LARP4B: variants seen among roughly 807,000 people sequenced by gnomAD.
The protein encoded by LARP4B is la-related protein 4B.
Under a neutral mutation model 89.8 loss-of-function variants are expected in LARP4B, and 12 were observed. That is an observed-to-expected ratio of 0.13 (90% CI 0.09 to 0.22). LARP4B has a LOEUF of 0.22. Ranked by LOEUF, LARP4B falls within the 10% of genes least tolerant of loss-of-function variation. The probability of loss-of-function intolerance (pLI) is 1.00; values close to 1 mark genes in which losing one functional copy is unlikely to be tolerated. For synonymous variants in LARP4B, 367 were observed against 363.3 expected, an observed-to-expected ratio of 1.01 and a Z score of -0.12; for missense variants, 757 against 947.7, an observed-to-expected ratio of 0.80 and a Z score of 2.64.
intron 7 of LARP4B, among the ~76,000 whole-genome samples, chr10:837,046 G>C (rs1833256663): frequency 2.0e-5 from 3 of 152,160 alleles, no homozygotes; most frequent in African/African-American, 4.8e-5. Flanking sequence ...GGTGCCCACT[G>C]TCACAAAGAC....
In LARP4B at chr10:825,259, C is replaced by G; in HGVS notation, c.1290G>C (p.Gly430=). ...HAIPSAERGP[G]LLESPSIFNF... ...TAAATATTGAAGGACTTTCTAATAA[C>G]CCAGGTCCCCTCTCTGCACTAGGAA... Residue 430 remains glycine (G), a synonymous_variant, in exon 13 of 18, where the codon GGG becomes GGC. Coordinates refer to ENST00000316157, the MANE Select transcript of LARP4B (RefSeq NM_015155.3). The G allele has an allele frequency of 6.2e-7, 1 of 1,614,176 alleles. No individual in the cohort carries two copies. The highest frequency in any genetic ancestry group is 8.5e-7 in the Non-Finnish European group (1 of 1,180,006).
At chr10:909,678 G>A (rs1041629165) in intron 1 of LARP4B, among the ~76,000 whole-genome samples, 12 of 151,992 alleles carry the variant, frequency 7.9e-5, no homozygotes, top group East Asian at 1.9e-4. Context: ...CCAGCTACTC[G>A]GGAGGCTGAG....
chr10:885,991 A>T (rs2131935235), intron 1 of LARP4B, among the ~76,000 whole-genome samples: 1 of 152,284 alleles, frequency 6.6e-6, no homozygotes, highest in East Asian at 1.9e-4. Context: ...CACACTCTAA[A>T]ACTTGGAAAC....
intron 7 of LARP4B, 60 bp downstream of exon 7, chr10:842,872 T>C (rs2131730653): frequency 2.0e-6 from 3 of 1,505,862 alleles, no homozygotes; most frequent in Non-Finnish European, 2.8e-6. Context: ...TAAAGGTTCA[T>C]GCTGATAAGA....
intron 1 of LARP4B, among the ~76,000 whole-genome samples, chr10:891,521 C>T (rs979801950): frequency 6.6e-6 from 1 of 152,160 alleles, no homozygotes; most frequent in East Asian, 1.9e-4. Context: ...GAAAATAATA[C>T]AATGTGTGAA....
chr10:982,085 C>T, the LARP4B span, among the ~76,000 whole-genome samples: 1 of 148,324 alleles, frequency 6.7e-6, no homozygotes, highest in African/African-American at 2.5e-5. Context: ...CTTCTTCAAC[C>T]TATAGCTTTT....
chr10:866,390 T>C (rs1044010622), intron 3 of LARP4B, among the ~76,000 whole-genome samples: 1 of 152,186 alleles, frequency 6.6e-6, no homozygotes, highest in Non-Finnish European at 1.5e-5. Context: ...AACAAGTGCC[T>C]CTGACATGTT....
At chr10:928,939 T>C (rs1383728751) in intron 1 of LARP4B, among the ~76,000 whole-genome samples, 1 of 152,210 alleles carries the variant, frequency 6.6e-6, no homozygotes, top group Non-Finnish European at 1.5e-5. Context: ...ACCTTAAATA[T>C]ATACTTGTCA....
upstream of LARP4B, among the ~76,000 whole-genome samples, chr10:936,097 A>G (rs1420839507): frequency 2.0e-5 from 3 of 152,104 alleles, no homozygotes; most frequent in Admixed American, 6.6e-5. Context: ...GTGTAGCCGC[A>G]TTGCTCAAAA....
chr10:957,221 G>A, the LARP4B span, among the ~76,000 whole-genome samples: 5 of 152,256 alleles, frequency 3.3e-5, no homozygotes, highest in East Asian at 9.6e-4. Flanking sequence ...GGAGTGCAGT[G>A]GCACAATCTC....
At chr10:888,028 A>G (rs531221823) in intron 1 of LARP4B, among the ~76,000 whole-genome samples, 275 of 151,640 alleles carry the variant, frequency 1.8e-3, no homozygotes, top group African/African-American at 6.1e-3. Context: ...TGTCTTAAAA[A>G]CAAATAACAG....
the LARP4B span, among the ~76,000 whole-genome samples, chr10:963,350 T>G: frequency 6.6e-6 from 1 of 152,222 alleles, no homozygotes; most frequent in Admixed American, 6.5e-5. Flanking sequence ...CACCACGTGC[T>G]TCTTATCCAC....
At chr10:932,159 C>T (rs1219430141), upstream of LARP4B, among the ~76,000 whole-genome samples, 5 of 151,992 alleles carry the variant, frequency 3.3e-5, no homozygotes, top group South Asian at 8.3e-4. Flanking sequence ...GTCCCCAGAC[C>T]CTGGACCAAG....
At position 809,719 on chromosome 10, in the gene LARP4B, G is replaced by C. The variant is rs542888122; in HGVS notation, c.*3207C>G. Reference sequence around the variant, plus strand: ...CTCGAGGAGCGACCACATGACCCCCGCGCTGTGAGCTGCTGGCGGCCAGCG... The same window carrying C: ...CTCGAGGAGCGACCACATGACCCCCCCGCTGTGAGCTGCTGGCGGCCAGCG... On this transcript the variant is annotated 3_prime_UTR_variant, in exon 18 of 18. Coordinates refer to ENST00000316157, the MANE Select transcript of LARP4B (RefSeq NM_015155.3). 1 of 152,666 alleles carries C rather than the reference G, an allele frequency of 6.6e-6. No homozygotes were observed. Among genetic ancestry groups the C allele is most frequent in the South Asian group, 2.1e-4 (1 of 4,832 alleles). The allele number at this position is 152,666 out of a possible 1,614,324, so 9.5% of individuals were successfully genotyped here.
At chr10:892,445 T>C (rs1014712426) in intron 1 of LARP4B, among the ~76,000 whole-genome samples, 2 of 152,234 alleles carry the variant, frequency 1.3e-5, no homozygotes, top group Non-Finnish European at 1.5e-5. Context: ...TTATGGTCTT[T>C]CTAGACACAC....
At chr10:959,684 C>T in the LARP4B span, among the ~76,000 whole-genome samples, 2 of 45,352 alleles carry the variant, frequency 4.4e-5, no homozygotes, top group Non-Finnish European at 8.4e-5. Flanking sequence ...ATCCACCTCC[C>T]CGTCAATCCC....
rs1177635062 is a variant in LARP4B, at chr10:825,168, T to C, written c.1381A>G (p.Arg461Gly). Residue 461 changes from arginine to glycine, a missense_variant, in exon 13 of 18, where the codon AGA becomes GGA. By Grantham distance (125) the Arg-to-Gly change is moderately radical. This residue lies in a region of LARP4B where 387 missense variants were observed against 423.6 expected (regional missense o/e 0.91). Coordinates refer to ENST00000316157, the MANE Select transcript of LARP4B (RefSeq NM_015155.3). Reference sequence around the variant, plus strand: ...GCTGAAGGGTTTTGAATCCGTGTTCTAGTTTGACCTGCTTGCCTTGTTTGT... The same window carrying C: ...GCTGAAGGGTTTTGAATCCGTGTTCCAGTTTGACCTGCTTGCCTTGTTTGT... ...SPQTRQAGQTRTRIQNPSAYA... is the reference protein window; with the variant it reads ...SPQTRQAGQTGTRIQNPSAYA... 6.2e-7 allele frequency: 1 copy of C among 1,614,226 alleles called. No individual in the cohort carries two copies. The highest frequency in any genetic ancestry group is 8.5e-7 in the Non-Finnish European group (1 of 1,180,040).
chr10:899,915 A>G (rs1338297123), intron 1 of LARP4B, among the ~76,000 whole-genome samples: 1 of 152,236 alleles, frequency 6.6e-6, no homozygotes, highest in African/African-American at 2.4e-5. Flanking sequence ...ATTAGAAAAA[A>G]TCAAAATGTG....
chr10:892,562 T>TA (rs886821882), intron 1 of LARP4B, among the ~76,000 whole-genome samples: 2 of 152,014 alleles, frequency 1.3e-5, no homozygotes, highest in Non-Finnish European at 2.9e-5. Flanking sequence ...TTTTTTGAGA[T>TA]AGAGTATCGC....
Sources: gnomAD v4.1 joint callset for allele counts (sites outside exome capture counted in the v4.1 genomes callset) on GRCh38, gnomAD v4.1.1 for gene constraint, gnomAD v4.1.1 regional missense constraint, MANE v1.5 for transcripts, NCBI Gene and HGNC (gene_info 2026-07-23, HGNC 2026-07-21) for gene names.